The following ZNF423 variants were observed in gnomAD, a reference collection of about 807,000 sequenced individuals.
The protein encoded by ZNF423 is zinc finger protein 423.
A neutral mutation model predicts 95.8 loss-of-function variants in ZNF423; 12 were observed. The ratio of observed to expected loss-of-function variants is 0.13; its 90% CI spans 0.08 to 0.20. The LOEUF is 0.20. Among genes scored for constraint, ZNF423 ranks in the 10% least tolerant of loss-of-function variants. The pLI, the probability that ZNF423 is intolerant of heterozygous loss-of-function variation, is 1.00. For missense variants in ZNF423, 1,316 were observed against 1,737.1 expected (o/e 0.76, Z 4.31); for synonymous variants, 749 against 711.9 (o/e 1.05, Z -0.83).
intron 3 of ZNF423, among the ~76,000 whole-genome samples, chr16:49,652,352 G>GA: frequency 7.4e-6 from 1 of 134,658 alleles, no homozygotes. Context: ...CTAGGAAAGG[G>GA]GAAAAAAAAA....
chr16:49,575,703 G>A (rs1017193877), intron 5 of ZNF423, among the ~76,000 whole-genome samples: 3 of 152,180 alleles, frequency 2.0e-5, no homozygotes, highest in Non-Finnish European at 2.9e-5. Flanking sequence ...TGGGTGTCCC[G>A]ACTTCCAAGC....
rs1175079806 is a variant in ZNF423, at chr16:49,502,943, CAT to C, written c.3850-11641_3850-11640del. 2.9e-4 allele frequency among the ~76,000 whole-genome samples: 41 copies of C among 143,714 alleles called. 1 individual carries two copies. The highest frequency in any genetic ancestry group is 4.8e-4 in the Admixed American group (7 of 14,558). 94.3% of individuals were successfully genotyped at this position (143,714 alleles called of 152,430 possible). A position where few individuals can be genotyped will look rare whatever the true frequency, so the allele number is the denominator to read the frequency against. Reference sequence around the variant, plus strand: ...ACACACACACACACACACACACACACATGGATGCCCCACAATCCCATGCACAC... The same window carrying C: ...ACACACACACACACACACACACACACGGATGCCCCACAATCCCATGCACAC... On this transcript the variant is annotated intron_variant, in intron 7 of 7. Transcript: ENST00000563137.
At chr16:49,628,534 T>TATCCATCCATCCATCC (rs60254976) in intron 4 of ZNF423, among the ~76,000 whole-genome samples, 2 of 150,874 alleles carry the variant, frequency 1.3e-5, no homozygotes, top group African/African-American at 2.4e-5. Context: ...TCCATCCATC[T>TATCCATCCATCCATCC]ATCCATCCAT....
intron 3 of ZNF423, among the ~76,000 whole-genome samples, chr16:49,656,799 A>G (rs2029894951): frequency 6.6e-6 from 1 of 152,128 alleles, no homozygotes; most frequent in Admixed American, 6.5e-5. Flanking sequence ...TGTCTCCAAG[A>G]AAAAAAATGA....
Position 49,644,726 on chromosome 16 carries a change from C to T in ZNF423, c.302-5852G>A, listed in dbSNP as rs992246869. On this transcript the variant is annotated intron_variant, in intron 3 of 7. Transcript: ENST00000563137. ...TGAGCCTACAGAGGGAACAAGAGCT[C>T]ATCCAGCCATTGGAATAAGGTTTCC... Among the ~76,000 whole-genome samples, 6 of 140,274 alleles carry T rather than the reference C, an allele frequency of 4.3e-5. No individual in the cohort carries two copies. The East Asian group carries it at 1.2e-3, about 28-fold the overall frequency. The allele number at this position is 140,274 out of a possible 152,430, so 92.0% of individuals were successfully genotyped here.
chr16:49,747,017 T>C (rs2033538956), intron 2 of ZNF423, among the ~76,000 whole-genome samples: 1 of 150,872 alleles, frequency 6.6e-6, no homozygotes, highest in African/African-American at 2.4e-5. Context: ...GTACTTAAAG[T>C]GGGGAGAGCA....
intron 5 of ZNF423, among the ~76,000 whole-genome samples, chr16:49,612,202 T>C (rs1211741639): frequency 1.3e-5 from 2 of 151,934 alleles, no homozygotes; most frequent in Admixed American, 1.3e-4. Flanking sequence ...TTCAGACCAA[T>C]ATCCCTCATA....
At position 49,523,750 on chromosome 16, in the gene ZNF423, A is replaced by G. The variant is rs1282841530; in HGVS notation, c.3734-11T>C. ...TGGCCTGGACGAAGACTAGACACAG[A>G]CACGGCTGTCAGGGCCAAGCTCAGG... is the stretch of plus-strand genomic sequence containing the variant. On this transcript the variant is annotated splice_polypyrimidine_tract_variant and intron_variant, in intron 6 of 7. Coordinates refer to ENST00000563137, the MANE Select transcript of ZNF423 (RefSeq NM_001379286.1). 6.2e-7 allele frequency: 1 copy of G among 1,610,990 alleles called. No individual in the cohort carries two copies. The highest frequency in any genetic ancestry group is 8.5e-7 in the Non-Finnish European group (1 of 1,179,368).
chr16:49,794,677 G>A (rs2034471334), intron 1 of ZNF423, among the ~76,000 whole-genome samples: 1 of 152,206 alleles, frequency 6.6e-6, no homozygotes, highest in South Asian at 2.1e-4. Context: ...TCCTGCTCGT[G>A]ATTCCCAGAC....
chr16:49,522,587 T>G (rs1238864968), intron 7 of ZNF423, among the ~76,000 whole-genome samples: 2 of 152,100 alleles, frequency 1.3e-5, no homozygotes, highest in African/African-American at 4.8e-5. Flanking sequence ...ACAGGCTCAT[T>G]CTTGGTATGT....
intron 1 of ZNF423, among the ~76,000 whole-genome samples, chr16:49,829,827 G>A (rs1188777057): frequency 1.3e-5 from 2 of 152,046 alleles, no homozygotes; most frequent in Non-Finnish European, 2.9e-5. Context: ...ACAGAAACAG[G>A]AAAAAAGAGA....
At chr16:49,770,662 A>C (rs1461089130) in intron 2 of ZNF423, among the ~76,000 whole-genome samples, 1 of 151,810 alleles carries the variant, frequency 6.6e-6, no homozygotes, top group East Asian at 1.9e-4. Context: ...AGTAGGTGGG[A>C]AAGGGGAGAG....
At chr16:49,828,946 C>T (rs1402327341) in intron 1 of ZNF423, among the ~76,000 whole-genome samples, 1 of 152,206 alleles carries the variant, frequency 6.6e-6, no homozygotes, top group African/African-American at 2.4e-5. Context: ...AGCCTGGTTC[C>T]ACTCGCCTCC....
intron 2 of ZNF423, among the ~76,000 whole-genome samples, chr16:49,748,116 C>G (rs2033560917): frequency 6.6e-6 from 1 of 152,244 alleles, no homozygotes; most frequent in East Asian, 1.9e-4. Flanking sequence ...ATATTGTTCT[C>G]TCAGAGCAGG....
chr16:49,664,861 G>A (rs969777937), intron 3 of ZNF423, among the ~76,000 whole-genome samples: 3 of 152,360 alleles, frequency 2.0e-5, no homozygotes, highest in South Asian at 2.1e-4. Context: ...GAGCGAGATC[G>A]GGGGTGGCCC....
At chr16:49,614,465 C>T (rs766566218) in intron 5 of ZNF423, among the ~76,000 whole-genome samples, 15 of 151,990 alleles carry the variant, frequency 9.9e-5, no homozygotes, top group African/African-American at 1.7e-4. Context: ...CCCAAAATAA[C>T]GAAAACTTAA....
At chr16:49,781,512 C>T (rs566211789) in intron 2 of ZNF423, among the ~76,000 whole-genome samples, 5 of 152,282 alleles carry the variant, frequency 3.3e-5, no homozygotes, top group South Asian at 4.1e-4. Context: ...GAAATGCAAA[C>T]GCAAGTGCAG....
intron 3 of ZNF423, among the ~76,000 whole-genome samples, chr16:49,665,132 T>C (rs73569253): frequency 0.052 from 7,855 of 152,322 alleles, 488 homozygotes; most frequent in African/African-American, 0.14. Flanking sequence ...AACGGTGCAT[T>C]GAGGCCCAAG....
Position 49,491,243 on chromosome 16 carries a change from T to C in ZNF423, c.*32A>G. The C allele has an allele frequency of 6.2e-7, 1 of 1,614,038 alleles. No homozygotes were observed. Among genetic ancestry groups the C allele is most frequent in the Non-Finnish European group, 8.5e-7 (1 of 1,179,954 alleles). ...CTCCCCACGGCGTCTCCGGCAAGCC[T>C]TCTGCGGAGAGGTGTCCTGTTGAGC... On this transcript the variant is annotated 3_prime_UTR_variant, in exon 8 of 8. Transcript: ENST00000563137.
Sources: gnomAD v4.1 joint callset for allele counts (sites outside exome capture counted in the v4.1 genomes callset) on GRCh38, gnomAD v4.1.1 for gene constraint, MANE v1.5 for transcripts, NCBI Gene and HGNC (gene_info 2026-07-23, HGNC 2026-07-21) for gene names.